Variants in RBBP8 observed in about 807,000 individuals in gnomAD.
The protein encoded by RBBP8 is DNA endonuclease RBBP8.
RBBP8 carries 88 observed loss-of-function variants against 108.3 expected under a neutral mutation model. The ratio of observed to expected loss-of-function variants is 0.81; its 90% CI spans 0.68 to 0.97. The LOEUF (loss-of-function observed/expected upper bound fraction) is 0.97. RBBP8 is among the 50% of genes least tolerant of loss of function. The probability of loss-of-function intolerance (pLI) is 0.00; values close to 1 mark genes in which losing one functional copy is unlikely to be tolerated. For synonymous variants in RBBP8, 332 were observed against 348.2 expected, an observed-to-expected ratio of 0.95 and a Z score of 0.52; for missense variants, 1,023 against 1,049.0, an observed-to-expected ratio of 0.98 and a Z score of 0.34.
At chr18:22,931,368 T>C (rs1216662297), upstream of RBBP8, among the ~76,000 whole-genome samples, 2 of 152,144 alleles carry the variant, frequency 1.3e-5, no homozygotes, top group South Asian at 2.1e-4. Context: ...TCAAAGGGGC[T>C]TCCTTCACAG....
At chr18:22,966,120 C>A (rs909550697) in intron 4 of RBBP8, among the ~76,000 whole-genome samples, 1 of 152,112 alleles carries the variant, frequency 6.6e-6, no homozygotes, top group African/African-American at 2.4e-5. Flanking sequence ...TTTTCTCTTC[C>A]ATTCTTCTTG....
chr18:22,985,057 A>G (rs1915225936), intron 8 of RBBP8, 67 bp downstream of exon 8: 2 of 1,598,706 alleles, frequency 1.3e-6, no homozygotes, highest in South Asian at 2.2e-5. Context: ...ACAGTGACCC[A>G]CAGTCTAACT....
chr18:22,968,906 A>C lies in RBBP8; in HGVS notation c.349A>C (p.Ile117Leu), dbSNP rs1307673058. Residue 117 changes from isoleucine to leucine, a missense_variant, in exon 5 of 19, where the codon ATT (isoleucine) becomes CTT (leucine). By Grantham distance (5) the Ile-to-Leu change is conservative. Transcript: ENST00000327155. ...ENIRQQNLKL[I>L]TELMNERNTL... ...TATCCGGCAGCAGAATCTTAAACTT[A>C]TTACAGAACTTAGTGAGTTTCCTTT... 1.2e-6 allele frequency: 2 copies of C among 1,609,042 alleles called. No individual in the cohort carries two copies. The highest frequency in any genetic ancestry group is 3.3e-5 in the Admixed American group (2 of 60,014).
At chr18:22,958,867 C>A (rs919662386) in intron 4 of RBBP8, among the ~76,000 whole-genome samples, 5 of 152,146 alleles carry the variant, frequency 3.3e-5, no homozygotes, top group Admixed American at 1.3e-4. Flanking sequence ...AGAAATATTT[C>A]TTGGGCTAAA....
intron 4 of RBBP8, among the ~76,000 whole-genome samples, chr18:22,963,959 T>C (rs1392010045): frequency 6.6e-6 from 1 of 152,186 alleles, no homozygotes; most frequent in Non-Finnish European, 1.5e-5. Flanking sequence ...ATTTTTGAGA[T>C]TTTTACATGT....
In RBBP8 at chr18:22,991,088, G is replaced by T. The variant is rs202093838; in HGVS notation, c.920+39G>T. 8 of 1,349,930 alleles carry T rather than the reference G, an allele frequency of 5.9e-6. No homozygotes were observed. In the African/African-American group the frequency reaches 1.2e-4, roughly 20 times the overall value. The allele number at this position is 1,349,930 out of a possible 1,614,324, so 83.6% of individuals were successfully genotyped here. A position where few individuals can be genotyped will look rare whatever the true frequency, so the allele number is the denominator to read the frequency against. On this transcript the variant is annotated intron_variant, in intron 10 of 18. Coordinates refer to ENST00000327155, the MANE Select transcript of RBBP8 (RefSeq NM_002894.3). ...CGTTGGTGAAAACTGATAAGCTATT[G>T]GTGAGATCCCATTACAATGAATTTC...
At chr18:22,980,685 T>G (rs189161091) in intron 6 of RBBP8, among the ~76,000 whole-genome samples, 39 of 152,096 alleles carry the variant, frequency 2.6e-4, no homozygotes, top group African/African-American at 9.2e-4. Context: ...TTCATGAGAT[T>G]TCATCCATAT....
At chr18:22,930,559 C>T (rs1379725927), upstream of RBBP8, among the ~76,000 whole-genome samples, 1 of 152,146 alleles carries the variant, frequency 6.6e-6, no homozygotes, top group African/African-American at 2.4e-5. Context: ...TAGAACCTAT[C>T]TATGAGGATG....
chr18:22,931,830 C>T (rs1910047295), upstream of RBBP8, among the ~76,000 whole-genome samples: 1 of 152,026 alleles, frequency 6.6e-6, no homozygotes, highest in Admixed American at 6.5e-5. Flanking sequence ...TACCATTTTT[C>T]AACAGTACAT....
chr18:22,923,095 T>C (rs1379528430), intron 3 of RBBP8, among the ~76,000 whole-genome samples: 1 of 152,226 alleles, frequency 6.6e-6, no homozygotes, highest in Non-Finnish European at 1.5e-5. Flanking sequence ...CTTAAATCTA[T>C]CTACCGTTAA....
Position 22,933,529 on chromosome 18 carries a change from G to A in RBBP8, c.-134G>A, listed in dbSNP as rs144559748. ...CTCAGAAAGTGCTCGCTTCCCTTCG[G>A]GGGCTTTCGCGAATCCCGAGGCAAT... On this transcript the variant is annotated 5_prime_UTR_variant, in exon 1 of 19. Transcript: ENST00000327155. The A allele has an allele frequency of 4.2e-3, 641 of 154,296 alleles. 2 individuals are homozygous for A. The highest frequency in any genetic ancestry group is 0.015 in the African/African-American group (624 of 41,630). The allele number at this position is 154,296 out of a possible 1,614,324, so 9.6% of individuals were successfully genotyped here.
At chr18:22,961,115 T>A (rs1196997508) in intron 4 of RBBP8, among the ~76,000 whole-genome samples, 1 of 152,248 alleles carries the variant, frequency 6.6e-6, no homozygotes, top group South Asian at 2.1e-4. Flanking sequence ...CTAGTTTAAC[T>A]TGTAAAAAGC....
intron 2 of RBBP8, among the ~76,000 whole-genome samples, chr18:22,938,055 G>T (rs1910730510): frequency 6.6e-6 from 1 of 151,988 alleles, no homozygotes; most frequent in African/African-American, 2.4e-5. Flanking sequence ...TTGAACTTCT[G>T]GGCTCAAGCA....
At chr18:22,997,206 T>C (rs1383217761) in intron 13 of RBBP8, among the ~76,000 whole-genome samples, 3 of 152,242 alleles carry the variant, frequency 2.0e-5, no homozygotes, top group Admixed American at 6.5e-5. Context: ...CTCTTTCACT[T>C]GGTAGCATAT....
At chr18:23,000,673 C>T (rs1474033361) in intron 14 of RBBP8, among the ~76,000 whole-genome samples, 2 of 149,612 alleles carry the variant, frequency 1.3e-5, no homozygotes, top group Non-Finnish European at 3.0e-5. Context: ...ACCCAGGAGG[C>T]GAGGTTGCAG....
chr18:23,018,057 G>T (rs1476349208), intron 17 of RBBP8, among the ~76,000 whole-genome samples: 3 of 149,898 alleles, frequency 2.0e-5, no homozygotes, highest in Admixed American at 1.3e-4. Flanking sequence ...GTTCTTTTTT[G>T]TTTGTTTGTT....
chr18:23,012,789 C>A (rs1307903185), intron 16 of RBBP8, among the ~76,000 whole-genome samples: 1 of 152,144 alleles, frequency 6.6e-6, no homozygotes, highest in Non-Finnish European at 1.5e-5. Context: ...ATGAAACAGC[C>A]TTCTATTGGA....
At chr18:23,021,626 T>G (rs887740784) in intron 17 of RBBP8, among the ~76,000 whole-genome samples, 5 of 152,206 alleles carry the variant, frequency 3.3e-5, no homozygotes, top group Non-Finnish European at 7.3e-5. Context: ...TCATGGAGCC[T>G]TCAACATTCA....
intron 18 of RBBP8, among the ~76,000 whole-genome samples, chr18:23,022,646 T>TAAAATAAAATAAAATAAAATAAAA (rs1437856449): frequency 3.4e-5 from 1 of 29,086 alleles, no homozygotes; most frequent in African/African-American, 9.1e-5. Flanking sequence ...ATAAATAAAA[T>TAAAATAAAATAAAATAAAATAAAA]ACAATATAAA....
Sources: gnomAD v4.1 joint callset for allele counts (sites outside exome capture counted in the v4.1 genomes callset) on GRCh38, gnomAD v4.1.1 for gene constraint, MANE v1.5 for transcripts, NCBI Gene and HGNC (gene_info 2026-07-23, HGNC 2026-07-21) for gene names.